C3orf20: variants seen among roughly 807,000 people sequenced by gnomAD.
The protein encoded by C3orf20 is uncharacterized protein C3orf20.
In C3orf20, 76 loss-of-function variants were observed where a neutral mutation model predicts 88.3. The observed-to-expected ratio is 0.86, with a 90% CI of 0.72 to 1.04. The LOEUF (loss-of-function observed/expected upper bound fraction) is 1.04. C3orf20 is among the 50% of genes least tolerant of loss of function. The pLI is 0.00. For synonymous variants in C3orf20, 436 were observed against 437.4 expected (o/e 1.00, Z 0.04); for missense variants, 1,056 against 1,123.3 (o/e 0.94, Z 0.86).
At chr3:14,706,303 C>A (rs561983622) in intron 7 of C3orf20, among the ~76,000 whole-genome samples, 2 of 152,174 alleles carry the variant, frequency 1.3e-5, no homozygotes, top group South Asian at 4.2e-4. Context: ...CTGACTCCTT[C>A]GAGAGCCGCT....
intron 12 of C3orf20, among the ~76,000 whole-genome samples, chr3:14,736,149 A>G (rs2034701562): frequency 6.6e-6 from 1 of 152,164 alleles, no homozygotes; most frequent in South Asian, 2.1e-4. Flanking sequence ...TTTCACATTA[A>G]CTAGTATTAG....
At chr3:14,712,356 C>G (rs61595673) in intron 7 of C3orf20, among the ~76,000 whole-genome samples, 1 of 151,906 alleles carries the variant, frequency 6.6e-6, no homozygotes, top group Non-Finnish European at 1.5e-5. Context: ...AAGCATAACC[C>G]TGTTGACACC....
At position 14,715,358 on chromosome 3, in the gene C3orf20, C is replaced by T. The variant is rs143947885; in HGVS notation, c.1383C>T (p.His461=). 6.2e-7 allele frequency: 1 copy of T among 1,612,504 alleles called. No homozygotes were observed. The change falls in exon 9 of 17, where the codon CAC becomes CAT. Residue 461 remains histidine (H), a synonymous_variant. Transcript: ENST00000253697. ...TTNDQQGYVV[H]KWSWTSRTET... ...ATGACCAGCAGGGCTATGTAGTCCA[C>T]AAGTGGAGCTGGACTTCCAGGACAG...
intron 10 of C3orf20, chr3:14,722,613 C>T (rs1029282684): frequency 1.5e-5 from 7 of 456,666 alleles, no homozygotes; most frequent in Middle Eastern, 3.3e-4. Flanking sequence ...GCCGTGACAA[C>T]GTCCATTCTA....
chr3:14,739,390 C>T (rs1003512711), intron 12 of C3orf20, among the ~76,000 whole-genome samples: 1 of 152,180 alleles, frequency 6.6e-6, no homozygotes, highest in African/African-American at 2.4e-5. Context: ...AGCAGTAGTT[C>T]TCAACAGTAG....
chr3:14,689,541 C>T (rs1351556637), intron 4 of C3orf20, among the ~76,000 whole-genome samples: 1 of 152,102 alleles, frequency 6.6e-6, no homozygotes. Context: ...AGATATCAAA[C>T]GATTCTATAA....
At chr3:14,683,962 G>A (rs1211004852) in intron 3 of C3orf20, among the ~76,000 whole-genome samples, 2 of 151,718 alleles carry the variant, frequency 1.3e-5, no homozygotes, top group African/African-American at 4.8e-5. Context: ...AGCAGCACCA[G>A]TGATGGAGCC....
chr3:14,689,933 A>C (rs953513012), intron 4 of C3orf20, 64 bp from the exon 5 acceptor site: 5 of 1,609,742 alleles, frequency 3.1e-6, no homozygotes, highest in Non-Finnish European at 4.2e-6. Flanking sequence ...TCCATGTTAC[A>C]TTTTTGGCTA....
chr3:14,700,810 C>T (rs1411231308), intron 5 of C3orf20, among the ~76,000 whole-genome samples: 1 of 152,236 alleles, frequency 6.6e-6, no homozygotes, highest in African/African-American at 2.4e-5. Flanking sequence ...CCTGGTTTTG[C>T]TATAGCCATT....
At chr3:14,686,693 A>G (rs968586526) in intron 4 of C3orf20, among the ~76,000 whole-genome samples, 7 of 152,184 alleles carry the variant, frequency 4.6e-5, no homozygotes, top group Admixed American at 3.3e-4. Flanking sequence ...TTTGCTCTGC[A>G]GTGTTTTATG....
At chr3:14,769,561 G>A (rs1038284259) in intron 15 of C3orf20, among the ~76,000 whole-genome samples, 4 of 152,178 alleles carry the variant, frequency 2.6e-5, no homozygotes, top group African/African-American at 7.2e-5. Context: ...GGGGTAGGCA[G>A]GGGAGTGGGG....
rs202040097 is a variant in C3orf20 at position 14,769,940 on chromosome 3, A to ATG, written c.2496-2127_2496-2126insTG. ...AGGTGCTCTGGGAATGAATGAAAGAAAGAATGAAATGTCCAGGTGAGGGGG... is the reference window on the plus strand; with the variant it reads ...AGGTGCTCTGGGAATGAATGAAAGAATGAGAATGAAATGTCCAGGTGAGGGGG... On this transcript the variant is annotated intron_variant, in intron 15 of 16. Transcript: ENST00000253697. Among the ~76,000 whole-genome samples, 735 of 151,244 alleles carry ATG rather than the reference A, an allele frequency of 4.9e-3. 5 individuals are homozygous for ATG. Among genetic ancestry groups the ATG allele is most frequent in the African/African-American group, 0.017 (680 of 40,554 alleles).
At chr3:14,713,048 A>G (rs998241491) in intron 7 of C3orf20, among the ~76,000 whole-genome samples, 12 of 152,230 alleles carry the variant, frequency 7.9e-5, no homozygotes, top group Admixed American at 6.5e-5. Flanking sequence ...CTTATATAAG[A>G]TTAATCTCTT....
At chr3:14,727,170 A>C (rs2034380778) in intron 11 of C3orf20, 146 bp downstream of exon 11, 2 of 958,912 alleles carry the variant, frequency 2.1e-6, no homozygotes, top group African/African-American at 1.6e-5. Context: ...CATAGCAGAG[A>C]TATTTCCCCA....
At position 14,730,769 on chromosome 3, in the gene C3orf20, G is replaced by A. The variant is rs566486789; in HGVS notation, c.1940+2081G>A. Among the ~76,000 whole-genome samples, 11 of 152,308 alleles carry A rather than the reference G, an allele frequency of 7.2e-5. No individual in the cohort carries two copies. In the South Asian group the frequency reaches 2.1e-3, roughly 29 times the overall value. ...TTTACGTTCTGCTCCCACCAGCAGT[G>A]TGTCTGAGAGTTCAGTTGCTCCACA... On this transcript the variant is annotated intron_variant, in intron 12 of 16. Coordinates refer to ENST00000253697, the MANE Select transcript of C3orf20 (RefSeq NM_032137.5).
At chr3:14,683,687 C>A (rs2032235343) in intron 3 of C3orf20, among the ~76,000 whole-genome samples, 1 of 151,860 alleles carries the variant, frequency 6.6e-6, no homozygotes, top group African/African-American at 2.4e-5. Flanking sequence ...ACCAGCCCGG[C>A]CAATATGGTG....
chr3:14,729,413 G>T (rs1024101804), intron 12 of C3orf20, among the ~76,000 whole-genome samples: 3 of 152,180 alleles, frequency 2.0e-5, no homozygotes, highest in Admixed American at 2.0e-4. Context: ...GAGTAAGAAG[G>T]CTAGTGAGGC....
At chr3:14,726,272 G>A (rs1313725227) in intron 10 of C3orf20, among the ~76,000 whole-genome samples, 1 of 152,240 alleles carries the variant, frequency 6.6e-6, no homozygotes, top group Non-Finnish European at 1.5e-5. Flanking sequence ...ATGGAAACAA[G>A]AGGCCTGGGC....
intron 1 of C3orf20, among the ~76,000 whole-genome samples, chr3:14,677,424 C>T (rs2031830244): frequency 6.6e-6 from 1 of 152,134 alleles, no homozygotes; most frequent in Admixed American, 6.5e-5. Context: ...CCATCATGTA[C>T]CCCTGGCAGT....
Sources: gnomAD v4.1 joint callset for allele counts (sites outside exome capture counted in the v4.1 genomes callset) on GRCh38, gnomAD v4.1.1 for gene constraint, MANE v1.5 for transcripts, NCBI Gene and HGNC (gene_info 2026-07-23, HGNC 2026-07-21) for gene names.